Variants in CERS3 observed in about 807,000 individuals in gnomAD.
The protein encoded by CERS3 is LAG1 homolog, ceramide synthase 3.
In CERS3, 33 loss-of-function variants were observed where a neutral mutation model predicts 50.3. That is an observed-to-expected ratio of 0.66 (90% CI 0.50 to 0.88). CERS3 has a LOEUF of 0.88. CERS3 is among the 40% of genes least tolerant of loss of function. CERS3 has a pLI of 0.00. For missense variants in CERS3, 470 were observed against 460.3 expected (o/e 1.02, Z -0.19); for synonymous variants, 176 against 155.2 (o/e 1.13, Z -0.99).
chr15:100,436,540 G>A (rs1054964550), intron 11 of CERS3, among the ~76,000 whole-genome samples: 1 of 152,014 alleles, frequency 6.6e-6, no homozygotes, highest in Non-Finnish European at 1.5e-5. Flanking sequence ...TAAAAACTAG[G>A]TGATGGGTTG....
intron 11 of CERS3, among the ~76,000 whole-genome samples, chr15:100,445,552 G>C (rs1269055305): frequency 6.6e-6 from 1 of 151,934 alleles, no homozygotes; most frequent in African/African-American, 2.4e-5. Flanking sequence ...ACTGTATCCA[G>C]GCCATCACCA....
intron 3 of CERS3, among the ~76,000 whole-genome samples, chr15:100,498,646 C>G (rs1204716612): frequency 6.6e-6 from 1 of 152,158 alleles, no homozygotes; most frequent in African/African-American, 2.4e-5. Context: ...CCAGACGGCC[C>G]CCCCTTTGTC....
chr15:100,523,092 T>C (rs1215190266), intron 1 of CERS3, among the ~76,000 whole-genome samples: 2 of 152,206 alleles, frequency 1.3e-5, no homozygotes, highest in Non-Finnish European at 2.9e-5. Flanking sequence ...AGGTTGAGTA[T>C]GTTTCAAGTC....
chr15:100,498,290 C>T (rs1270097941), intron 3 of CERS3, among the ~76,000 whole-genome samples: 2 of 152,110 alleles, frequency 1.3e-5, no homozygotes, highest in African/African-American at 4.8e-5. Flanking sequence ...GGAAATCAAT[C>T]ACCTAATAAA....
At chr15:100,452,144 A>G (rs2034196063) in intron 11 of CERS3, among the ~76,000 whole-genome samples, 1 of 150,534 alleles carries the variant, frequency 6.6e-6, no homozygotes, top group Non-Finnish European at 1.5e-5. Flanking sequence ...ACTTTTACAG[A>G]ACATTTCATC....
At chr15:100,488,084 C>T (rs1392092215) in intron 4 of CERS3, among the ~76,000 whole-genome samples, 2 of 152,176 alleles carry the variant, frequency 1.3e-5, no homozygotes, top group Admixed American at 6.5e-5. Context: ...CACATACACA[C>T]GTTATCAGAC....
chr15:100,450,172 G>A (rs1055366066), intron 11 of CERS3, among the ~76,000 whole-genome samples: 37 of 152,082 alleles, frequency 2.4e-4, no homozygotes, highest in African/African-American at 8.5e-4. Context: ...TGTAATCCCA[G>A]CACTTTAGGA....
At chr15:100,467,963 C>T (rs1336957593) in intron 10 of CERS3, among the ~76,000 whole-genome samples, 1 of 151,132 alleles carries the variant, frequency 6.6e-6, no homozygotes, top group Non-Finnish European at 1.5e-5. Context: ...CTTAAGTGAC[C>T]CCCCCGCCAA....
At chr15:100,431,958 G>A (rs933940001) in intron 11 of CERS3, among the ~76,000 whole-genome samples, 6 of 152,158 alleles carry the variant, frequency 3.9e-5, no homozygotes, top group African/African-American at 1.4e-4. Flanking sequence ...CTTCTTGTGT[G>A]TTAGGCTTAA....
chr15:100,518,870 A>G (rs2036565472), intron 2 of CERS3, among the ~76,000 whole-genome samples: 1 of 152,230 alleles, frequency 6.6e-6, no homozygotes, highest in Admixed American at 6.5e-5. Flanking sequence ...TTTATTTTAA[A>G]AAATTCCACC....
At chr15:100,537,033 C>T (rs547161414) in intron 1 of CERS3, among the ~76,000 whole-genome samples, 1 of 152,224 alleles carries the variant, frequency 6.6e-6, no homozygotes, top group African/African-American at 2.4e-5. Flanking sequence ...TATGACCTAG[C>T]TTTTCCCTCT....
intron 10 of CERS3, among the ~76,000 whole-genome samples, chr15:100,458,397 C>T (rs1567632177): frequency 2.0e-5 from 3 of 152,046 alleles, no homozygotes; most frequent in East Asian, 1.9e-4. Flanking sequence ...CCAGCCTGAC[C>T]AACATGGTGA....
chr15:100,469,469 A>G lies in CERS3; in HGVS notation c.754T>C (p.Ser252Pro). The G allele has an allele frequency of 6.2e-7, 1 of 1,613,478 alleles. No homozygotes were observed. ...CAGGTCTGCGTCCATCCAGCATAAG[A>G]AAACATCTTAGCAGACTGCAAAAAA... ...DIWLESAKMF[S>P]YAGWTQTCNT... Residue 252 changes from serine to proline, a missense_variant, in exon 10 of 12, where the codon TCT becomes CCT. By Grantham distance (74) the Ser-to-Pro change is moderately conservative (BLOSUM62 -1). Transcript: ENST00000679737.
chr15:100,515,910 G>A (rs1375614739), intron 2 of CERS3, among the ~76,000 whole-genome samples: 2 of 152,076 alleles, frequency 1.3e-5, no homozygotes, highest in Non-Finnish European at 2.9e-5. Flanking sequence ...GGCCATCTTC[G>A]CGAACTCTCC....
At chr15:100,410,048 T>C (rs2142055378) in intron 11 of CERS3, among the ~76,000 whole-genome samples, 1 of 152,300 alleles carries the variant, frequency 6.6e-6, no homozygotes, top group Middle Eastern at 3.4e-3. Context: ...TCTGATAACC[T>C]AGCAAAGGTA....
intron 4 of CERS3, among the ~76,000 whole-genome samples, chr15:100,486,584 A>T (rs1328104906): frequency 6.6e-6 from 1 of 152,274 alleles, no homozygotes; most frequent in East Asian, 1.9e-4. Context: ...TTTACTTTTA[A>T]CATAATTTGC....
chr15:100,474,186 C>A (rs2035054783), intron 8 of CERS3, among the ~76,000 whole-genome samples: 2 of 152,086 alleles, frequency 1.3e-5, no homozygotes, highest in African/African-American at 4.8e-5. Flanking sequence ...TGGGATGACA[C>A]AAATGTTCTA....
In CERS3 at chr15:100,472,906, T is replaced by C. The variant is rs770842344; in HGVS notation, c.738+18A>G. 1 of 1,613,714 alleles carries C rather than the reference T, an allele frequency of 6.2e-7. No individual in the cohort carries two copies. The highest frequency in any genetic ancestry group is 1.1e-5 in the South Asian group (1 of 91,072). On this transcript the variant is annotated intron_variant, in intron 9 of 11. Coordinates refer to ENST00000679737, the MANE Select transcript of CERS3 (RefSeq NM_001378789.1). Reference sequence around the variant, plus strand: ...AGGACATGGTATTGTCATTAGTTTTTTAATGGCAAACGTTTACCTCCAGCC... The same window carrying C: ...AGGACATGGTATTGTCATTAGTTTTCTAATGGCAAACGTTTACCTCCAGCC...
rs1469513628 is a variant in CERS3, at chr15:100,401,701, C to T, written c.*1012G>A. ...GGCTCAGGCCTCCTGGGTGATGAGG[C>T]TCAGCAAGCAACCTGGCCTGGATCC... On this transcript the variant is annotated 3_prime_UTR_variant, in exon 12 of 12. Transcript: ENST00000679737. 1 of 152,472 alleles carries T rather than the reference C, an allele frequency of 6.6e-6. No individual in the cohort carries two copies. Among genetic ancestry groups the T allele is most frequent in the Non-Finnish European group, 1.5e-5 (1 of 68,268 alleles). The allele number at this position is 152,472 out of a possible 1,614,324, so 9.4% of individuals were successfully genotyped here. A position where few individuals can be genotyped will look rare whatever the true frequency, so the allele number is the denominator to read the frequency against.
Sources: gnomAD v4.1 joint callset for allele counts (sites outside exome capture counted in the v4.1 genomes callset) on GRCh38, gnomAD v4.1.1 for gene constraint, MANE v1.5 for transcripts, NCBI Gene and HGNC (gene_info 2026-07-23, HGNC 2026-07-21) for gene names.